BTRC: variants seen among roughly 807,000 people sequenced by gnomAD.
BTRC encodes F-box/WD repeat-containing protein 1A.
Under a neutral mutation model 85.5 loss-of-function variants are expected in BTRC, and 42 were observed. That is an observed-to-expected ratio of 0.49 (90% CI 0.38 to 0.64). BTRC has a LOEUF of 0.64. Among genes scored for constraint, BTRC ranks in the 30% least tolerant of loss-of-function variants. The probability of loss-of-function intolerance (pLI) is 0.00; values close to 1 mark genes in which losing one functional copy is unlikely to be tolerated. For synonymous variants in BTRC, 255 were observed against 263.3 expected, an observed-to-expected ratio of 0.97 and a Z score of 0.30; for missense variants, 594 against 743.5, an observed-to-expected ratio of 0.80 and a Z score of 2.34.
At chr10:101,397,185 G>A (rs1451219292) in intron 1 of BTRC, among the ~76,000 whole-genome samples, 1 of 152,144 alleles carries the variant, frequency 6.6e-6, no homozygotes, top group African/African-American at 2.4e-5. Context: ...TTGTTAGTGG[G>A]GAAATCCAGT....
At position 101,522,372 on chromosome 10, in the gene BTRC, AAAAAC is replaced by A. The variant is rs1564823689; in HGVS notation, c.556+507_556+511del. ...AGCTTTAAAAAAAAAAAAAACAAAA[AAAAAC>A]AAAAAAAAAAAAACTCTAGAAATAA... is the stretch of plus-strand genomic sequence containing the variant. On this transcript the variant is annotated intron_variant, in intron 5 of 14. Transcript: ENST00000370187. Among the ~76,000 whole-genome samples the A allele has an allele frequency of 9.4e-4, 66 of 69,916 alleles. 7 individuals carry two copies. The highest frequency in any genetic ancestry group is 1.4e-3 in the Non-Finnish European group (46 of 32,424). 45.9% of individuals were successfully genotyped at this position (69,916 alleles called of 152,430 possible). A position where few individuals can be genotyped will look rare whatever the true frequency, so the allele number is the denominator to read the frequency against.
intron 1 of BTRC, among the ~76,000 whole-genome samples, chr10:101,377,850 T>G (rs1942828948): frequency 6.6e-6 from 1 of 152,136 alleles, no homozygotes; most frequent in South Asian, 2.1e-4. Flanking sequence ...TGTGACAGTG[T>G]GGATAAGAGA....
At chr10:101,513,157 A>T (rs2061978357) in intron 4 of BTRC, among the ~76,000 whole-genome samples, 1 of 152,208 alleles carries the variant, frequency 6.6e-6, no homozygotes, top group Non-Finnish European at 1.5e-5. Context: ...TCTGTATTGG[A>T]GAATGGTAGA....
intron 13 of BTRC, among the ~76,000 whole-genome samples, chr10:101,546,846 C>T (rs2062565515): frequency 6.6e-6 from 1 of 152,116 alleles, no homozygotes. Context: ...GAAAGAGATC[C>T]CAGATCTTCA....
chr10:101,446,280 C>G (rs565028287), intron 2 of BTRC, among the ~76,000 whole-genome samples: 2 of 152,174 alleles, frequency 1.3e-5, no homozygotes, highest in East Asian at 3.9e-4. Flanking sequence ...TAAATGTGAG[C>G]TCTTTTGTCC....
intron 6 of BTRC, 41 bp from the exon 7 acceptor site, chr10:101,531,196 A>G (rs775381362): frequency 7.0e-7 from 1 of 1,428,496 alleles, no homozygotes; most frequent in South Asian, 1.2e-5. Context: ...TTAAATATAT[A>G]ATGTCATGAT....
intron 4 of BTRC, among the ~76,000 whole-genome samples, chr10:101,514,743 G>A (rs754015236): frequency 2.0e-4 from 30 of 150,570 alleles, no homozygotes; most frequent in Admixed American, 1.1e-3. Flanking sequence ...ATGAGCCACC[G>A]TGCCTGGCCT....
intron 6 of BTRC, among the ~76,000 whole-genome samples, chr10:101,527,960 T>C (rs945882876): frequency 2.6e-5 from 4 of 152,264 alleles, no homozygotes; most frequent in African/African-American, 9.6e-5. Context: ...AAAATGGAGT[T>C]ATATGGTATT....
intron 1 of BTRC, chr10:101,414,729 T>C: frequency 2.2e-6 from 1 of 460,684 alleles, no homozygotes; most frequent in Non-Finnish European, 4.3e-6. Flanking sequence ...GGGCCTAGGC[T>C]AATGTAATGT....
chr10:101,492,705 T>C (rs759505436), intron 4 of BTRC, among the ~76,000 whole-genome samples: 4 of 152,202 alleles, frequency 2.6e-5, no homozygotes, highest in African/African-American at 4.8e-5. Context: ...GTTTCTGAAA[T>C]GTATTGAATT....
chr10:101,361,627 T>C (rs1184379124), intron 1 of BTRC, among the ~76,000 whole-genome samples: 3 of 152,248 alleles, frequency 2.0e-5, no homozygotes, highest in African/African-American at 7.2e-5. Context: ...TTTCAACTAG[T>C]GTTCCACAAT....
chr10:101,468,670 GTCACTAACGATTT>G (rs1229164428), intron 3 of BTRC, among the ~76,000 whole-genome samples: 5 of 152,152 alleles, frequency 3.3e-5, no homozygotes, highest in Admixed American at 6.5e-5. Context: ...CCCACTCCCA[GTCACTAACGATTT>G]TCATTATACT....
intron 6 of BTRC, 128 bp downstream of exon 6, chr10:101,526,327 T>A: frequency 2.4e-6 from 2 of 824,980 alleles, no homozygotes; most frequent in Non-Finnish European, 3.8e-6. Flanking sequence ...ATTTCTAGCT[T>A]AAAATGTAAC....
chr10:101,513,995 T>G (rs2061990568), intron 4 of BTRC, among the ~76,000 whole-genome samples: 1 of 152,252 alleles, frequency 6.6e-6, no homozygotes, highest in Non-Finnish European at 1.5e-5. Flanking sequence ...AATGTCTTGA[T>G]ATTTTAATTT....
intron 1 of BTRC, among the ~76,000 whole-genome samples, chr10:101,359,735 G>T (rs1425312478): frequency 6.6e-6 from 1 of 151,922 alleles, no homozygotes; most frequent in Non-Finnish European, 1.5e-5. Flanking sequence ...CCTGTAGCTG[G>T]GATTACAGGC....
chr10:101,540,439 G>GT, intron 13 of BTRC, among the ~76,000 whole-genome samples: 2 of 152,288 alleles, frequency 1.3e-5, no homozygotes, highest in Non-Finnish European at 2.9e-5. Flanking sequence ...ATATGTGTGA[G>GT]TCTTCTTTGG....
chr10:101,513,963 G>A (rs1472611800), intron 4 of BTRC, among the ~76,000 whole-genome samples: 2 of 152,112 alleles, frequency 1.3e-5, no homozygotes, highest in African/African-American at 2.4e-5. Context: ...TTAAATTTTA[G>A]CCATTCTAAT....
At chr10:101,441,992 T>A (rs1477060899) in intron 2 of BTRC, among the ~76,000 whole-genome samples, 1 of 152,092 alleles carries the variant, frequency 6.6e-6, no homozygotes, top group Non-Finnish European at 1.5e-5. Flanking sequence ...TGCATATACT[T>A]CTTTGATTTG....
intron 4 of BTRC, among the ~76,000 whole-genome samples, chr10:101,519,539 A>G (rs771852072): frequency 6.6e-6 from 1 of 152,206 alleles, no homozygotes; most frequent in Admixed American, 6.5e-5. Flanking sequence ...AACCCGTTGA[A>G]GCAAACTCTG....
Sources: allele counts gnomAD v4.1 joint callset (sites outside exome capture counted in the v4.1 genomes callset), GRCh38; gene constraint gnomAD v4.1.1; transcripts MANE v1.5; gene names NCBI Gene and HGNC (gene_info 2026-07-23, HGNC 2026-07-21).